Variants in EIF2B3 observed in about 807,000 individuals in gnomAD.
EIF2B3 encodes the protein eukaryotic translation initiation factor 2B subunit gamma.
EIF2B3 carries 20 observed loss-of-function variants against 54.1 expected under a neutral mutation model. The observed-to-expected ratio is 0.37, with a 90% CI of 0.26 to 0.54. The LOEUF (loss-of-function observed/expected upper bound fraction) is 0.54, where lower values mean the gene tolerates loss of function less well. Among genes scored for constraint, EIF2B3 ranks in the 20% least tolerant of loss-of-function variants. EIF2B3 has a pLI of 0.86. For synonymous variants in EIF2B3, 153 were observed against 188.1 expected, an observed-to-expected ratio of 0.81 and a Z score of 1.52; for missense variants, 448 against 547.8, an observed-to-expected ratio of 0.82 and a Z score of 1.82.
At chr1:44,975,946 G>A (rs1644448809) in intron 3 of EIF2B3, among the ~76,000 whole-genome samples, 1 of 152,094 alleles carries the variant, frequency 6.6e-6, no homozygotes, top group African/African-American at 2.4e-5. Context: ...AGTGGAGGTG[G>A]AGATTGCACC....
Position 44,881,737 on chromosome 1 carries a change from G to T in EIF2B3, c.659C>A (p.Ser220Ter). The T allele has an allele frequency of 6.2e-7, 1 of 1,613,966 alleles. No individual in the cohort carries two copies. Among genetic ancestry groups the T allele is most frequent in the South Asian group, 1.1e-5 (1 of 91,058 alleles). Residue 220 changes from serine to a stop codon, truncating the protein, a stop_gained and splice_region_variant, in exon 7 of 12, where the codon TCA becomes TAA. Coordinates refer to ENST00000360403, the MANE Select transcript of EIF2B3 (RefSeq NM_020365.5). LOFTEE classifies it high-confidence loss of function. This position sits in a 1 kb window ranked among gnomAD's most constrained non-coding sequence, Gnocchi z 4.0. ...CAGTTCACTCCGGATAGAAGTTATT[G>T]ACCTAGAAAGAAAGAATGGCCAAAT... ...YIVDFLMENG[S>*]ITSIRSELIP...
At chr1:44,972,680 T>A (rs551667302) in intron 3 of EIF2B3, 1 of 149,832 alleles carries the variant, frequency 6.7e-6, no homozygotes, top group African/African-American at 2.4e-5. Flanking sequence ...ATTTATATAT[T>A]TTTTTGAGAC....
intron 5 of EIF2B3, among the ~76,000 whole-genome samples, chr1:44,918,003 G>T (rs1569719149): frequency 6.7e-6 from 1 of 148,390 alleles, no homozygotes; most frequent in Non-Finnish European, 1.5e-5. Flanking sequence ...TCAATCTCCT[G>T]ACCTCATGAT....
At chr1:44,885,210 A>G (rs1256643865) in intron 6 of EIF2B3, among the ~76,000 whole-genome samples, 3 of 152,250 alleles carry the variant, frequency 2.0e-5, no homozygotes, top group African/African-American at 7.2e-5. Context: ...ATCACAAAGG[A>G]GAACAATAGA....
At chr1:44,919,862 A>G (rs2148928228) in intron 5 of EIF2B3, among the ~76,000 whole-genome samples, 1 of 145,830 alleles carries the variant, frequency 6.9e-6, no homozygotes, top group Middle Eastern at 3.6e-3. Flanking sequence ...GATTACACGC[A>G]TGCGACAACA....
chr1:44,946,903 A>T (rs1644108787), intron 3 of EIF2B3, among the ~76,000 whole-genome samples: 1 of 152,230 alleles, frequency 6.6e-6, no homozygotes, highest in Admixed American at 6.5e-5. Context: ...GATAAGACCC[A>T]GAGAAGTATT....
intron 3 of EIF2B3, among the ~76,000 whole-genome samples, chr1:44,945,397 A>G (rs2148945017): frequency 6.6e-6 from 1 of 152,076 alleles, no homozygotes; most frequent in Middle Eastern, 3.4e-3. Flanking sequence ...TACTAAAAGT[A>G]CAAAAAATCA....
At chr1:44,981,942 C>CAA (rs35864275) in intron 1 of EIF2B3, among the ~76,000 whole-genome samples, 17,684 of 78,502 alleles carry the variant, frequency 0.23, 1,978 homozygotes, top group East Asian at 0.55. Context: ...GATCCTGTCT[C>CAA]AAAAAAAAAA....
In EIF2B3 at chr1:44,919,580, T is replaced by C. The variant is rs565058208; in HGVS notation, c.566+7048A>G. ...TTTCATCAGAAGAAATATGATCATC[T>C]TGAAGAAATCATTCCCAAGTTTTCT... On this transcript the variant is annotated intron_variant, in intron 5 of 11. Coordinates refer to ENST00000360403, the MANE Select transcript of EIF2B3 (RefSeq NM_020365.5). Among the ~76,000 whole-genome samples, 70 of 152,276 alleles carry C rather than the reference T, an allele frequency of 4.6e-4. 2 individuals carry two copies. In the South Asian group the frequency reaches 0.014, roughly 30 times the overall value.
At chr1:44,985,401 C>A in intron 1 of EIF2B3, among the ~76,000 whole-genome samples, 1 of 52,600 alleles carries the variant, frequency 1.9e-5, no homozygotes, top group South Asian at 1.3e-3. Context: ...TTCTCTTAGC[C>A]TTTACGGGTT....
At chr1:44,956,684 T>C (rs1394700851) in intron 3 of EIF2B3, among the ~76,000 whole-genome samples, 1 of 152,142 alleles carries the variant, frequency 6.6e-6, no homozygotes, top group Non-Finnish European at 1.5e-5. Context: ...ATTTAGTATA[T>C]GATAATCGTG....
chr1:44,926,492 G>T, intron 5 of EIF2B3, 136 bp downstream of exon 5: 1 of 701,946 alleles, frequency 1.4e-6, no homozygotes, highest in Non-Finnish European at 2.5e-6. Context: ...CCTGTCTCAT[G>T]GGAAAAATAT....
intron 11 of EIF2B3, among the ~76,000 whole-genome samples, chr1:44,856,678 G>A (rs2148892686): frequency 6.6e-6 from 1 of 152,148 alleles, no homozygotes; most frequent in African/African-American, 2.4e-5. Context: ...AAAAAGGGAA[G>A]GGGGAAGAAA....
At chr1:44,950,471 AT>A (rs1377321672) in intron 3 of EIF2B3, among the ~76,000 whole-genome samples, 1 of 152,122 alleles carries the variant, frequency 6.6e-6, no homozygotes, top group Non-Finnish European at 1.5e-5. Context: ...CAATTTTAGC[AT>A]GTTATTTAGA....
At chr1:44,920,051 T>C (rs1256148728) in intron 5 of EIF2B3, among the ~76,000 whole-genome samples, 2 of 150,886 alleles carry the variant, frequency 1.3e-5, no homozygotes, top group Admixed American at 6.6e-5. Flanking sequence ...TTTTTTTTTT[T>C]TCGAGCAGAG....
chr1:44,942,799 A>C (rs971220833), intron 3 of EIF2B3, among the ~76,000 whole-genome samples: 1 of 151,804 alleles, frequency 6.6e-6, no homozygotes. Flanking sequence ...AATGCTTACT[A>C]TTGGCCAGGA....
rs547902572 is a variant in EIF2B3 at position 44,952,106 on chromosome 1, G to A, written c.295-10441C>T. Among the ~76,000 whole-genome samples, 49 of 136,128 alleles carry A rather than the reference G, an allele frequency of 3.6e-4. 5 individuals carry two copies. In the East Asian group the frequency reaches 9.7e-3, roughly 27 times the overall value. The allele number at this position is 136,128 out of a possible 152,430, so 89.3% of individuals were successfully genotyped here. ...GCCTCCCAAGTAGCTGGGACTACAGGCGCCCGCCACTACGCCCGGCTAATT... is the reference window on the plus strand; with the variant it reads ...GCCTCCCAAGTAGCTGGGACTACAGACGCCCGCCACTACGCCCGGCTAATT... On this transcript the variant is annotated intron_variant, in intron 3 of 11. Coordinates refer to ENST00000360403, the MANE Select transcript of EIF2B3 (RefSeq NM_020365.5).
chr1:44,869,592 C>T (rs937557255), intron 10 of EIF2B3, among the ~76,000 whole-genome samples: 2 of 136,466 alleles, frequency 1.5e-5, no homozygotes, highest in African/African-American at 5.6e-5. Context: ...AGAGGTAAGG[C>T]CTTTTTTTTT....
At chr1:44,934,457 T>C (rs946723812) in intron 4 of EIF2B3, among the ~76,000 whole-genome samples, 6 of 152,030 alleles carry the variant, frequency 3.9e-5, no homozygotes, top group African/African-American at 1.4e-4. Context: ...TTCAAGTCAC[T>C]TTATTTTTAT....
Sources: gnomAD v4.1 joint callset for allele counts (sites outside exome capture counted in the v4.1 genomes callset) on GRCh38, gnomAD v4.1.1 for gene constraint, Gnocchi (gnomAD v3.1) non-coding constraint, MANE v1.5 for transcripts, NCBI Gene and HGNC (gene_info 2026-07-23, HGNC 2026-07-21) for gene names.